KDM4B: variants seen among roughly 807,000 people sequenced by gnomAD.
The protein encoded by KDM4B is lysine demethylase 4B.
KDM4B carries 32 observed loss-of-function variants against 125.2 expected under a neutral mutation model. The ratio of observed to expected loss-of-function variants is 0.26; its 90% CI spans 0.19 to 0.34. The LOEUF is 0.34. Among genes scored for constraint, KDM4B ranks in the 10% least tolerant of loss-of-function variants. The pLI, the probability that KDM4B is intolerant of heterozygous loss-of-function variation, is 1.00. For synonymous variants in KDM4B, 721 were observed against 677.9 expected, an observed-to-expected ratio of 1.06 and a Z score of -0.99; for missense variants, 1,190 against 1,577.7, an observed-to-expected ratio of 0.75 and a Z score of 4.16.
chr19:4,995,692 C>T (rs770991404), intron 1 of KDM4B, among the ~76,000 whole-genome samples: 12 of 152,210 alleles, frequency 7.9e-5, no homozygotes, highest in African/African-American at 1.4e-4. Context: ...TCATCCTCTA[C>T]GCAGAGCAGC....
In KDM4B at chr19:5,069,028, G is replaced by A. The variant is rs370584536; in HGVS notation, c.627-1982G>A. ...AGCAGAGTGTTTCATTCCCTGTGCG[G>A]AGGGGTCTTTAATCCCACAAAGGTG... is the stretch of plus-strand genomic sequence containing the variant. On this transcript the variant is annotated intron_variant, in intron 6 of 22. Coordinates refer to ENST00000159111, the MANE Select transcript of KDM4B (RefSeq NM_015015.3). Among the ~76,000 whole-genome samples the A allele has an allele frequency of 2.5e-4, 38 of 152,320 alleles. No individual in the cohort carries two copies. In the South Asian group the frequency reaches 7.3e-3, roughly 29 times the overall value.
At position 5,082,625 on chromosome 19, in the gene KDM4B, C is replaced by G. The variant is rs1415981225; in HGVS notation, c.918+121C>G. On this transcript the variant is annotated intron_variant, in intron 9 of 22. Coordinates refer to ENST00000159111, the MANE Select transcript of KDM4B (RefSeq NM_015015.3). This position sits in a 1 kb window ranked among gnomAD's most constrained non-coding sequence, Gnocchi z 5.4. ...TTTCGCTCAGCCCAGGGCCTGGGCT[C>G]TCAACCAGGGTCTGATTCTGGGCTC... 18 of 1,091,538 alleles carry G rather than the reference C, an allele frequency of 1.6e-5. No individual in the cohort carries two copies. The East Asian group carries it at 4.8e-4, about 29-fold the overall frequency. 67.6% of individuals were successfully genotyped at this position (1,091,538 alleles called of 1,614,324 possible).
chr19:5,108,399 T>C (rs2039076419), intron 9 of KDM4B, among the ~76,000 whole-genome samples: 1 of 152,166 alleles, frequency 6.6e-6, no homozygotes, highest in African/African-American at 2.4e-5. Flanking sequence ...TCCCTCCTGC[T>C]CAGCATGATA....
chr19:5,137,136 G>C, intron 15 of KDM4B, 126 bp from the exon 16 acceptor site: 1 of 661,450 alleles, frequency 1.5e-6, no homozygotes, highest in Non-Finnish European at 2.7e-6. Flanking sequence ...AGCTGCGTGC[G>C]GAGGCCTCGT....
chr19:5,040,173 G>A (rs2036761932), intron 4 of KDM4B, among the ~76,000 whole-genome samples, 162 bp downstream of exon 4: 1 of 152,126 alleles, frequency 6.6e-6, no homozygotes, highest in Non-Finnish European at 1.5e-5. Context: ...CTCCCAGGGT[G>A]GATCTGGACC....
At chr19:5,065,074 G>A (rs2037726216) in intron 6 of KDM4B, among the ~76,000 whole-genome samples, 1 of 152,176 alleles carries the variant, frequency 6.6e-6, no homozygotes, top group South Asian at 2.1e-4. Context: ...GGGGTGCTGG[G>A]GCGTCAGCCA....
At chr19:4,973,532 C>A (rs948866574) in intron 1 of KDM4B, among the ~76,000 whole-genome samples, 1 of 152,104 alleles carries the variant, frequency 6.6e-6, no homozygotes, top group African/African-American at 2.4e-5. Context: ...ATGAGCTTAA[C>A]CACTATATTA....
intron 4 of KDM4B, 116 bp from the exon 5 acceptor site, chr19:5,041,014 GGGCAGTC>G (rs1204206359): frequency 1.7e-6 from 1 of 593,746 alleles, no homozygotes; most frequent in East Asian, 3.0e-5. Flanking sequence ...GCGGGGCAGC[GGGCAGTC>G]GGAGCAGAGC....
chr19:5,065,744 G>A (rs995003417), intron 6 of KDM4B, among the ~76,000 whole-genome samples: 1 of 152,190 alleles, frequency 6.6e-6, no homozygotes. Flanking sequence ...CTCCGGCTCC[G>A]GCTCATGAGC....
At chr19:5,144,536 G>T in intron 20 of KDM4B, 124 bp downstream of exon 20, 3 of 1,023,838 alleles carry the variant, frequency 2.9e-6, no homozygotes, top group Non-Finnish European at 4.2e-6. Flanking sequence ...CCTGACTCCA[G>T]ATCCCTTCAT....
At chr19:5,145,232 A>G (rs1234892451) in intron 21 of KDM4B, among the ~76,000 whole-genome samples, 1 of 149,224 alleles carries the variant, frequency 6.7e-6, no homozygotes, top group Non-Finnish European at 1.5e-5. Flanking sequence ...TTTTTTTTTA[A>G]TCAAATTGGT....
At chr19:5,102,203 G>A (rs1038518127) in intron 9 of KDM4B, among the ~76,000 whole-genome samples, 5 of 152,196 alleles carry the variant, frequency 3.3e-5, no homozygotes, top group African/African-American at 9.7e-5. Context: ...GCCTGCTGTC[G>A]TCTCCTTTTC....
intron 6 of KDM4B, among the ~76,000 whole-genome samples, chr19:5,065,187 G>A (rs906608332): frequency 2.0e-5 from 3 of 152,176 alleles, no homozygotes; most frequent in Non-Finnish European, 4.4e-5. Context: ...TGGGGGCCAC[G>A]CTTTCATGGA....
At position 5,133,998 on chromosome 19, in the gene KDM4B, C is replaced by T. The variant is rs773104463; in HGVS notation, c.2022C>T (p.Asn674=). The T allele has an allele frequency of 1.3e-5, 21 of 1,611,856 alleles. No individual in the cohort carries two copies. Among genetic ancestry groups the T allele is most frequent in the Middle Eastern group, 1.6e-4 (1 of 6,078 alleles). Residue 674 remains asparagine, a synonymous_variant, in exon 14 of 23, where the codon AAC becomes AAT. Coordinates refer to ENST00000159111, the MANE Select transcript of KDM4B (RefSeq NM_015015.3). The part of the protein sequence containing the change: ...AASFQAERKF[N]AAAARTEPYC... ...GCTTCCAGGCCGAGAGGAAGTTCAA[C>T]GCAGCGGCTGCGCGCACGGAGCCCT...
At chr19:5,136,514 T>C (rs2039651558) in intron 15 of KDM4B, among the ~76,000 whole-genome samples, 1 of 152,160 alleles carries the variant, frequency 6.6e-6, no homozygotes, top group African/African-American at 2.4e-5. Flanking sequence ...TTCACTCTGC[T>C]TTGCTGGGCC....
chr19:5,088,753 AC>A (rs2038592875), intron 9 of KDM4B, among the ~76,000 whole-genome samples: 1 of 147,620 alleles, frequency 6.8e-6, no homozygotes, highest in Admixed American at 7.0e-5. Flanking sequence ...GAGGAGCAGG[AC>A]GCCCCTGCCA....
chr19:5,143,530 G>A (rs2039782390), intron 18 of KDM4B, among the ~76,000 whole-genome samples: 1 of 152,094 alleles, frequency 6.6e-6, no homozygotes, highest in Non-Finnish European at 1.5e-5. Context: ...CCTGCCCTGG[G>A]GGTTGCAGAA....
intron 6 of KDM4B, 47 bp downstream of exon 6, chr19:5,047,716 C>A (rs961998075): frequency 6.3e-7 from 1 of 1,578,540 alleles, no homozygotes; most frequent in Non-Finnish European, 8.7e-7. Flanking sequence ...GAGAGCCCCT[C>A]GGGAGGGAGT....
intron 5 of KDM4B, among the ~76,000 whole-genome samples, chr19:5,046,166 C>T (rs753841181): frequency 1.1e-4 from 16 of 152,224 alleles, no homozygotes; most frequent in Middle Eastern, 3.2e-3. Flanking sequence ...ACTCTGCAGC[C>T]GCACGCAGGC....
Sources: allele counts gnomAD v4.1 joint callset (sites outside exome capture counted in the v4.1 genomes callset), GRCh38; gene constraint gnomAD v4.1.1; non-coding constraint Gnocchi (gnomAD v3.1); transcripts MANE v1.5; gene names NCBI Gene and HGNC (gene_info 2026-07-23, HGNC 2026-07-21).